MAST4: variants seen among roughly 807,000 people sequenced by gnomAD.
MAST4 encodes the protein microtubule associated serine/threonine kinase family member 4.
In MAST4, 89 loss-of-function variants were observed where a neutral mutation model predicts 162.7. The observed-to-expected ratio is 0.55, with a 90% CI of 0.46 to 0.65. The LOEUF (loss-of-function observed/expected upper bound fraction) is 0.65, where lower values mean the gene tolerates loss of function less well. Ranked by LOEUF, MAST4 falls within the 30% of genes least tolerant of loss-of-function variation. MAST4 has a pLI of 0.00. For synonymous variants in MAST4, 1,479 were observed against 1,361.1 expected, an observed-to-expected ratio of 1.09 and a Z score of -1.91; for missense variants, 3,153 against 3,374.0, an observed-to-expected ratio of 0.93 and a Z score of 1.62.
At chr5:67,141,997 C>A in intron 19 of MAST4, 118 bp from the exon 20 acceptor site, 1 of 1,033,700 alleles carries the variant, frequency 9.7e-7, no homozygotes, top group Non-Finnish European at 1.4e-6. Flanking sequence ...GTATGATTTT[C>A]ATGTCTGTAT....
intron 2 of MAST4, among the ~76,000 whole-genome samples, chr5:66,764,233 C>T (rs927259363): frequency 6.6e-6 from 1 of 152,182 alleles, no homozygotes; most frequent in Non-Finnish European, 1.5e-5. Context: ...CAGATTTGTT[C>T]TATGTGTCTA....
chr5:66,965,602 T>A, intron 4 of MAST4, among the ~76,000 whole-genome samples: 1 of 95,068 alleles, frequency 1.1e-5, no homozygotes, highest in African/African-American at 4.4e-5. Flanking sequence ...GGGGGGGCGG[T>A]GAAGGATAAA....
At chr5:66,676,398 G>C (rs1242695709) in intron 1 of MAST4, among the ~76,000 whole-genome samples, 2 of 152,162 alleles carry the variant, frequency 1.3e-5, no homozygotes, top group Non-Finnish European at 2.9e-5. Flanking sequence ...TATTTAACAA[G>C]CATATTTGCC....
intron 5 of MAST4, among the ~76,000 whole-genome samples, chr5:67,089,906 G>C (rs949987533): frequency 1.3e-5 from 2 of 152,138 alleles, no homozygotes; most frequent in Non-Finnish European, 2.9e-5. Context: ...AGGACTCCTG[G>C]TTGGTGATAT....
At chr5:66,930,486 C>T (rs574967074) in intron 4 of MAST4, among the ~76,000 whole-genome samples, 8 of 152,134 alleles carry the variant, frequency 5.3e-5, no homozygotes, top group African/African-American at 1.4e-4. Flanking sequence ...TTCAGTAAGA[C>T]GTTCATTGTA....
chr5:66,906,655 C>T (rs765266768), intron 4 of MAST4, among the ~76,000 whole-genome samples: 6 of 152,108 alleles, frequency 3.9e-5, no homozygotes, highest in Non-Finnish European at 7.3e-5. Flanking sequence ...GGCAGGTTGT[C>T]GCCCAAACTA....
At chr5:67,122,147 C>T (rs976091465) in intron 14 of MAST4, among the ~76,000 whole-genome samples, 9 of 152,114 alleles carry the variant, frequency 5.9e-5, no homozygotes, top group South Asian at 4.1e-4. Flanking sequence ...GATCCATTTT[C>T]GACAGCCCAA....
At chr5:67,079,002 T>C (rs1762284496) in intron 5 of MAST4, among the ~76,000 whole-genome samples, 1 of 133,924 alleles carries the variant, frequency 7.5e-6, no homozygotes, top group Admixed American at 8.2e-5. Flanking sequence ...AAATTTAGTA[T>C]TGGCAAGGTG....
intron 4 of MAST4, chr5:66,917,191 T>C: frequency 1.9e-6 from 1 of 534,792 alleles, no homozygotes. Flanking sequence ...TTTCCTTCAC[T>C]ACCACTGATG....
In MAST4 at chr5:66,889,769, C is replaced by G. The variant is rs1385463483; in HGVS notation, c.643-10182C>G. Among the ~76,000 whole-genome samples the G allele has an allele frequency of 2.0e-5, 3 of 152,290 alleles. No homozygotes were observed. The East Asian group carries it at 5.8e-4, about 29-fold the overall frequency. On this transcript the variant is annotated intron_variant, in intron 3 of 28. Coordinates refer to ENST00000403625, the MANE Select transcript of MAST4 (RefSeq NM_001164664.2). ...GTGCTCTTAGGTTTGGGAGCTGTGC[C>G]ACATGCAGGACATGTGTTAGCATTA...
chr5:66,603,955 AG>A (rs1413876612), intron 1 of MAST4, among the ~76,000 whole-genome samples: 1 of 152,256 alleles, frequency 6.6e-6, no homozygotes, highest in Non-Finnish European at 1.5e-5. Flanking sequence ...ATTAAGCAGA[AG>A]TTGGTTTCGC....
At chr5:66,979,004 A>G (rs1354207224) in intron 4 of MAST4, among the ~76,000 whole-genome samples, 3 of 152,038 alleles carry the variant, frequency 2.0e-5, no homozygotes, top group Non-Finnish European at 4.4e-5. Flanking sequence ...GGGAAGGAAG[A>G]ATGGAAGGCA....
At chr5:66,828,797 A>G in intron 3 of MAST4, 1 of 1,593,692 alleles carries the variant, frequency 6.3e-7, no homozygotes, top group Non-Finnish European at 8.5e-7. Context: ...GAGGTAGTAC[A>G]GCATGGCTAG....
chr5:67,001,091 T>A (rs866819961), intron 4 of MAST4, among the ~76,000 whole-genome samples: 3 of 152,236 alleles, frequency 2.0e-5, no homozygotes, highest in Non-Finnish European at 2.9e-5. Context: ...AGCTATAGTC[T>A]TAAGAATTTC....
intron 7 of MAST4, among the ~76,000 whole-genome samples, chr5:67,099,123 T>G (rs1764745982): frequency 6.6e-6 from 1 of 152,104 alleles, no homozygotes; most frequent in Non-Finnish European, 1.5e-5. Context: ...GCTAATTTCC[T>G]TATCTTTCCT....
At chr5:66,623,577 A>G (rs56116375) in intron 1 of MAST4, among the ~76,000 whole-genome samples, 17,596 of 152,254 alleles carry the variant, frequency 0.12, 1,260 homozygotes, top group East Asian at 0.4. Context: ...AAAAATTAAC[A>G]TTATTTTATG....
At chr5:66,910,749 T>G (rs1763697929) in intron 4 of MAST4, among the ~76,000 whole-genome samples, 1 of 138,490 alleles carries the variant, frequency 7.2e-6, no homozygotes, top group Non-Finnish European at 1.6e-5. Flanking sequence ...TTCTTTTTTT[T>G]TTTTTCTTTT....
intron 1 of MAST4, among the ~76,000 whole-genome samples, chr5:66,648,067 TGTGTGTGTGTGTGTGTGAGAGAGA>T (rs1210082299): frequency 1.7e-5 from 2 of 117,364 alleles, no homozygotes; most frequent in Admixed American, 1.0e-4. Flanking sequence ...TGTGTGTGTG[TGTGTGTGTGTGTGTGTGAGAGAGA>T]GAGAGAGAGA....
At chr5:66,974,262 C>A (rs1747836370) in intron 4 of MAST4, among the ~76,000 whole-genome samples, 2 of 152,136 alleles carry the variant, frequency 1.3e-5, no homozygotes, top group Non-Finnish European at 2.9e-5. Context: ...AAGGGATTTG[C>A]CTATTTTGGT....
Sources: gnomAD v4.1 joint callset for allele counts (sites outside exome capture counted in the v4.1 genomes callset) on GRCh38, gnomAD v4.1.1 for gene constraint, MANE v1.5 for transcripts, NCBI Gene and HGNC (gene_info 2026-07-23, HGNC 2026-07-21) for gene names.